The following GRM5 variants were observed in gnomAD, a reference collection of about 807,000 sequenced individuals.
GRM5 encodes the protein metabotropic glutamate receptor 5.
In GRM5, 19 loss-of-function variants were observed where a neutral mutation model predicts 83.1. That is an observed-to-expected ratio of 0.23 (90% CI 0.16 to 0.34). GRM5 has a LOEUF of 0.34. Ranked by LOEUF, GRM5 falls within the 10% of genes least tolerant of loss-of-function variation. GRM5 has a pLI of 1.00. For missense variants in GRM5, 1,160 were observed against 1,588.3 expected, an observed-to-expected ratio of 0.73 and a Z score of 4.58; for synonymous variants, 675 against 633.6, an observed-to-expected ratio of 1.07 and a Z score of -0.98.
At chr11:88,597,463 G>A in intron 5 of GRM5, 111 bp from the exon 6 acceptor site, 1 of 592,966 alleles carries the variant, frequency 1.7e-6, no homozygotes, top group Non-Finnish European at 2.9e-6. Context: ...AAGTAGCACT[G>A]GAATTTTCCA....
chr11:88,718,589 A>G (rs953043502), intron 3 of GRM5, among the ~76,000 whole-genome samples: 7 of 151,950 alleles, frequency 4.6e-5, no homozygotes, highest in African/African-American at 1.7e-4. Context: ...AAGTTGAGAT[A>G]TTATTATTAG....
At chr11:88,947,779 G>A (rs7934435) in intron 2 of GRM5, among the ~76,000 whole-genome samples, 5,286 of 152,190 alleles carry the variant, frequency 0.035, 290 homozygotes, top group African/African-American at 0.12. Context: ...AGAGCTAAAG[G>A]AAAAGCAGTA....
chr11:88,820,072 T>C (rs181696639), intron 3 of GRM5, among the ~76,000 whole-genome samples: 107 of 152,156 alleles, frequency 7.0e-4, no homozygotes, highest in Middle Eastern at 3.4e-3. Context: ...TTGGGGGACA[T>C]ATTCAAATCA....
intron 2 of GRM5, among the ~76,000 whole-genome samples, chr11:88,943,962 G>A (rs558173371): frequency 1.3e-5 from 2 of 152,018 alleles, no homozygotes; most frequent in South Asian, 2.1e-4. Flanking sequence ...GCCTTACCTC[G>A]AGAAGTTGTA....
intron 2 of GRM5, among the ~76,000 whole-genome samples, chr11:88,870,955 T>G (rs1944757522): frequency 6.6e-6 from 1 of 151,596 alleles, no homozygotes; most frequent in African/African-American, 2.4e-5. Flanking sequence ...AAAGAAATGC[T>G]AAATGTTTGG....
At chr11:88,784,369 A>C (rs1218785134) in intron 3 of GRM5, among the ~76,000 whole-genome samples, 3 of 152,102 alleles carry the variant, frequency 2.0e-5, no homozygotes, top group Non-Finnish European at 4.4e-5. Context: ...CACCATAGGA[A>C]TAACTGATCA....
chr11:88,572,192 T>A (rs1335832942), intron 7 of GRM5, among the ~76,000 whole-genome samples: 3 of 152,204 alleles, frequency 2.0e-5, no homozygotes, highest in African/African-American at 7.2e-5. Flanking sequence ...AGGAATCATC[T>A]TTTTATAGAA....
At chr11:88,576,195 C>T (rs1943106353) in intron 7 of GRM5, among the ~76,000 whole-genome samples, 2 of 152,092 alleles carry the variant, frequency 1.3e-5, no homozygotes. Context: ...TTTTTACTAG[C>T]TAACTTCTCC....
At chr11:88,786,615 G>A (rs1354738435) in intron 3 of GRM5, among the ~76,000 whole-genome samples, 1 of 151,988 alleles carries the variant, frequency 6.6e-6, no homozygotes, top group Admixed American at 6.6e-5. Context: ...CTTTCCATAG[G>A]TACCAACATG....
At chr11:88,778,401 G>A (rs1942904401) in intron 3 of GRM5, among the ~76,000 whole-genome samples, 1 of 152,160 alleles carries the variant, frequency 6.6e-6, no homozygotes, top group Non-Finnish European at 1.5e-5. Flanking sequence ...CCAACCCCTT[G>A]CGCTTCCCAG....
At chr11:88,766,800 T>A (rs527584921) in intron 3 of GRM5, among the ~76,000 whole-genome samples, 68 of 151,898 alleles carry the variant, frequency 4.5e-4, no homozygotes, top group Non-Finnish European at 8.0e-4. Context: ...GCAAACTATG[T>A]ATCTGACAAA....
chr11:88,957,581 T>G (rs757477932), intron 2 of GRM5, among the ~76,000 whole-genome samples: 11 of 152,162 alleles, frequency 7.2e-5, no homozygotes, highest in Non-Finnish European at 1.2e-4. Context: ...CACTATAAAA[T>G]CACAGAAGAA....
chr11:88,713,390 G>A (rs1441552649), intron 3 of GRM5, among the ~76,000 whole-genome samples: 1 of 151,886 alleles, frequency 6.6e-6, no homozygotes, highest in African/African-American at 2.4e-5. Context: ...ACCACTTAAT[G>A]TTTCTATGAA....
chr11:89,010,046 ATTATAT>A (rs1268929985), intron 2 of GRM5, among the ~76,000 whole-genome samples: 1 of 148,936 alleles, frequency 6.7e-6, no homozygotes, highest in Non-Finnish European at 1.5e-5. Context: ...ATAGTTATAT[ATTATAT>A]GTATACATGT....
intron 2 of GRM5, among the ~76,000 whole-genome samples, chr11:89,000,231 A>G (rs751766678): frequency 5.3e-5 from 8 of 152,198 alleles, no homozygotes; most frequent in Non-Finnish European, 8.8e-5. Context: ...TAAAACTTAA[A>G]GTATAACAAT....
intron 4 of GRM5, among the ~76,000 whole-genome samples, chr11:88,614,684 C>G (rs1476477582): frequency 6.6e-6 from 1 of 152,094 alleles, no homozygotes; most frequent in Non-Finnish European, 1.5e-5. Context: ...TGGCACTTTT[C>G]AACATAATTT....
Position 88,508,492 on chromosome 11 carries a change from C to T in GRM5, c.*100G>A. 2.2e-6 allele frequency: 2 copies of T among 916,274 alleles called. No homozygotes were observed. The highest frequency in any genetic ancestry group is 3.3e-6 in the Non-Finnish European group (2 of 604,990). 56.8% of individuals were successfully genotyped at this position (916,274 alleles called of 1,614,324 possible). Reference sequence around the variant, plus strand: ...ATTAAGGGGTGCCCTTGGCATCTTCCCCCTGGGCCGTAACCAGGCGACTAT... The same window carrying T: ...ATTAAGGGGTGCCCTTGGCATCTTCTCCCTGGGCCGTAACCAGGCGACTAT... On this transcript the variant is annotated 3_prime_UTR_variant, in exon 10 of 10. Coordinates refer to ENST00000305447, the MANE Select transcript of GRM5 (RefSeq NM_001143831.3). The surrounding 1 kb of genome is among the most constrained non-coding windows in gnomAD (Gnocchi z 4.2).
intron 2 of GRM5, among the ~76,000 whole-genome samples, chr11:88,923,920 A>G (rs1050379504): frequency 4.0e-5 from 6 of 151,450 alleles, no homozygotes; most frequent in Non-Finnish European, 7.4e-5. Flanking sequence ...ATATATACCT[A>G]CTATATACCC....
At chr11:89,025,434 G>A (rs901870030) in intron 2 of GRM5, among the ~76,000 whole-genome samples, 11 of 152,114 alleles carry the variant, frequency 7.2e-5, no homozygotes, top group African/African-American at 2.2e-4. Context: ...CATAAGGAGA[G>A]TAGAGTCAAT....
Sources: allele counts gnomAD v4.1 joint callset (sites outside exome capture counted in the v4.1 genomes callset), GRCh38; gene constraint gnomAD v4.1.1; non-coding constraint Gnocchi (gnomAD v3.1); transcripts MANE v1.5; gene names NCBI Gene and HGNC (gene_info 2026-07-23, HGNC 2026-07-21).